The following SHISA7 variants were observed in gnomAD, a reference collection of about 807,000 sequenced individuals.
The protein encoded by SHISA7 is protein shisa-7.
In SHISA7, 6 loss-of-function variants were observed where a neutral mutation model predicts 23.9. The ratio of observed to expected loss-of-function variants is 0.25; its 90% CI spans 0.14 to 0.50. The LOEUF (loss-of-function observed/expected upper bound fraction) is 0.50, where lower values mean the gene tolerates loss of function less well. Among genes scored for constraint, SHISA7 ranks in the 20% least tolerant of loss-of-function variants. The pLI is 0.98. For synonymous variants in SHISA7, 386 were observed against 398.3 expected (o/e 0.97, Z 0.37); for missense variants, 671 against 801.1 (o/e 0.84, Z 1.96).
In SHISA7 at chr19:55,442,701, T is replaced by TCGCCGCGCCCC; in HGVS notation, c.152_162dup (p.Ser55GlyfsTer93). On this transcript the variant is annotated frameshift_variant, in exon 1 of 4. Transcript: ENST00000376325. LOFTEE classifies it high-confidence loss of function. ...GTCCTGGTGCCGTTGGCGCCTGGGCTCGCCGCGCCCCCGCCGCCCGTCAGC... is the reference window on the plus strand; with the variant it reads ...GTCCTGGTGCCGTTGGCGCCTGGGCTCGCCGCGCCCCCGCCGCGCCCCCGCCGCCCGTCAGC... 9.8e-7 allele frequency: 1 copy of TCGCCGCGCCCC among 1,020,746 alleles called. No individual in the cohort carries two copies. Among genetic ancestry groups the TCGCCGCGCCCC allele is most frequent in the Non-Finnish European group, 1.2e-6 (1 of 856,344 alleles). 63.2% of individuals were successfully genotyped at this position (1,020,746 alleles called of 1,614,324 possible). A position where few individuals can be genotyped will look rare whatever the true frequency, so the allele number is the denominator to read the frequency against.
At chr19:55,435,892 G>A (rs1985447726) in intron 3 of SHISA7, among the ~76,000 whole-genome samples, 1 of 152,026 alleles carries the variant, frequency 6.6e-6, no homozygotes, top group Admixed American at 6.6e-5. Context: ...CTACTCGCAT[G>A]TATGTTTGCA....
chr19:55,439,197 C>A (rs886978350), intron 2 of SHISA7, among the ~76,000 whole-genome samples: 38 of 152,352 alleles, frequency 2.5e-4, no homozygotes, highest in African/African-American at 9.1e-4. Context: ...CCCATCCCTT[C>A]CCTCAAGCCG....
In SHISA7 at chr19:55,442,306, G is replaced by T; in HGVS notation, c.558C>A (p.Ala186=). 6.6e-7 allele frequency: 1 copy of T among 1,523,126 alleles called. No homozygotes were observed. The highest frequency in any genetic ancestry group is 1.2e-5 in the South Asian group (1 of 83,378). The allele number at this position is 1,523,126 out of a possible 1,614,324, so 94.4% of individuals were successfully genotyped here. The change falls in exon 1 of 4, where the codon GCC becomes GCA. Residue 186 remains alanine (A), a synonymous_variant. Transcript: ENST00000376325. ...RGGEGPGGST[A]YVVCGVISFA... ...AGCTGATGACCCCGCACACGACGTA[G>T]GCTGTGCTGCCCCCGGGGCCCTCGC... is the stretch of plus-strand genomic sequence containing the variant.
Position 55,432,902 on chromosome 19 carries a change from C to T in SHISA7, c.*254G>A. On this transcript the variant is annotated 3_prime_UTR_variant, in exon 4 of 4. Transcript: ENST00000376325. This position sits in a 1 kb window ranked among gnomAD's most constrained non-coding sequence, Gnocchi z 4.6. ...CTGTGATGACATCACAGAACACAGA[C>T]ATTTTTGCTAGTGATGACCTCATGA... 2.1e-6 allele frequency: 1 copy of T among 486,680 alleles called. No homozygotes were observed. The highest frequency in any genetic ancestry group is 3.6e-6 in the Non-Finnish European group (1 of 277,756). The allele number at this position is 486,680 out of a possible 1,614,324, so 30.1% of individuals were successfully genotyped here. A position where few individuals can be genotyped will look rare whatever the true frequency, so the allele number is the denominator to read the frequency against.
intron 3 of SHISA7, among the ~76,000 whole-genome samples, chr19:55,434,771 G>GGT (rs796534132): frequency 9.3e-6 from 1 of 107,416 alleles, no homozygotes. Context: ...TGTGGTGTGT[G>GGT]GTGTGTGTAT....
At chr19:55,438,885 G>A (rs1174062045) in intron 2 of SHISA7, among the ~76,000 whole-genome samples, 1 of 151,918 alleles carries the variant, frequency 6.6e-6, no homozygotes, top group African/African-American at 2.4e-5. Flanking sequence ...CCCCCCTGGT[G>A]CCCAGGCTAG....
chr19:55,436,632 G>T (rs949798100), intron 3 of SHISA7, among the ~76,000 whole-genome samples: 1 of 151,908 alleles, frequency 6.6e-6, no homozygotes, highest in Non-Finnish European at 1.5e-5. Context: ...TTTCTGGCTG[G>T]GTATGGTGGG....
chr19:55,435,950 A>G (rs1400384664), intron 3 of SHISA7, among the ~76,000 whole-genome samples: 3 of 114,234 alleles, frequency 2.6e-5, no homozygotes, highest in Non-Finnish European at 5.5e-5. Context: ...TTAAAAATAT[A>G]CACATGTGTG....
intron 1 of SHISA7, among the ~76,000 whole-genome samples, 187 bp downstream of exon 1, chr19:55,442,006 G>T (rs945483781): frequency 6.6e-6 from 1 of 152,168 alleles, no homozygotes; most frequent in Non-Finnish European, 1.5e-5. Flanking sequence ...GCATCACTCC[G>T]CAACAGCCGG....
chr19:55,433,885 G>A lies in SHISA7; in HGVS notation c.977-89C>T. The A allele has an allele frequency of 7.7e-7, 1 of 1,299,722 alleles. No individual in the cohort carries two copies. Among genetic ancestry groups the A allele is most frequent in the Non-Finnish European group, 9.8e-7 (1 of 1,017,270 alleles). 80.5% of individuals were successfully genotyped at this position (1,299,722 alleles called of 1,614,324 possible). On this transcript the variant is annotated intron_variant, in intron 3 of 3. Transcript: ENST00000376325. The surrounding 1 kb of genome is among the most constrained non-coding windows in gnomAD (Gnocchi z 8.4). ...CCACCTCGTCACATCCCGCTCCTATGCTCCTTGTGCCCCCACAAGGATCCT... is the reference window on the plus strand; with the variant it reads ...CCACCTCGTCACATCCCGCTCCTATACTCCTTGTGCCCCCACAAGGATCCT...
intron 2 of SHISA7, chr19:55,438,569 G>A (rs1249438864): frequency 7.7e-7 from 1 of 1,304,346 alleles, no homozygotes. Flanking sequence ...ACCCAGTGTG[G>A]CGGCGTGGTG....
At chr19:55,434,326 T>G (rs1364804703) in intron 3 of SHISA7, among the ~76,000 whole-genome samples, 2 of 129,232 alleles carry the variant, frequency 1.5e-5, no homozygotes, top group Non-Finnish European at 3.3e-5. Context: ...GTGTGTGTGG[T>G]GTGTGGTGTG....
At position 55,431,106 on chromosome 19, in the gene SHISA7, TA is replaced by T. The variant is rs1985190178; in HGVS notation, c.*2049del. The stretch of plus-strand genomic sequence containing the variant: ...TGGATCCTGGCAGGTGATAACACCA[TA>T]GTTGAAGTGGATACTGGGAGGTAGT... On this transcript the variant is annotated 3_prime_UTR_variant, in exon 4 of 4. Transcript: ENST00000376325. 1 of 152,180 alleles carries T rather than the reference TA, an allele frequency of 6.6e-6. No individual in the cohort carries two copies. Among genetic ancestry groups the T allele is most frequent in the African/African-American group, 2.4e-5 (1 of 41,406 alleles). 9.4% of individuals were successfully genotyped at this position (152,180 alleles called of 1,614,324 possible).
Position 55,440,146 on chromosome 19 carries a change from AAGTG to A in SHISA7, c.826+461_826+464del, listed in dbSNP as rs1423858485. 3.3e-5 allele frequency among the ~76,000 whole-genome samples: 5 copies of A among 152,268 alleles called. No homozygotes were observed. In the East Asian group the frequency reaches 7.7e-4, roughly 23 times the overall value. On this transcript the variant is annotated intron_variant, in intron 2 of 3. Coordinates refer to ENST00000376325, the MANE Select transcript of SHISA7 (RefSeq NM_001145176.2). The stretch of plus-strand genomic sequence containing the variant: ...ATTTGCTCTTCACCATAACCCCATG[AAGTG>A]AGTATTGTTATGTTTCTTATTTTAT...
chr19:55,438,564 G>T, intron 2 of SHISA7: 1 of 1,304,326 alleles, frequency 7.7e-7, no homozygotes, highest in Non-Finnish European at 1.0e-6. Context: ...TCCGCACCCA[G>T]TGTGGCGGCG....
rs1251282131 is a variant in SHISA7 at position 55,433,749 on chromosome 19, A to G, written c.1024T>C (p.Leu342=). The G allele has an allele frequency of 1.6e-5, 23 of 1,455,812 alleles. No homozygotes were observed. Among genetic ancestry groups the G allele is most frequent in the Non-Finnish European group, 2.0e-5 (22 of 1,114,324 alleles). 90.2% of individuals were successfully genotyped at this position (1,455,812 alleles called of 1,614,324 possible). Residue 342 remains leucine, a synonymous_variant, in exon 4 of 4, where the codon TTG becomes CTG. Coordinates refer to ENST00000376325, the MANE Select transcript of SHISA7 (RefSeq NM_001145176.2). This position sits in a 1 kb window ranked among gnomAD's most constrained non-coding sequence, Gnocchi z 8.4. ...TGCAGGGGCAGCGTGCCGCGGGGCAATTCCAGGGGCCGGCGCTTCAGGTAG... is the reference window on the plus strand; with the variant it reads ...TGCAGGGGCAGCGTGCCGCGGGGCAGTTCCAGGGGCCGGCGCTTCAGGTAG... The part of the protein sequence containing the change: ...EAYLKRRPLE[L]PRGTLPLHAL...
chr19:55,440,331 G>A (rs903584330), intron 2 of SHISA7, among the ~76,000 whole-genome samples: 2 of 152,202 alleles, frequency 1.3e-5, no homozygotes, highest in African/African-American at 4.8e-5. Context: ...GTCTGACACC[G>A]AGCGCAGGGG....
At position 55,442,640 on chromosome 19, in the gene SHISA7, G is replaced by A. The variant is rs959604764; in HGVS notation, c.224C>T (p.Ala75Val). Residue 75 changes from alanine (A) to valine (V), a missense_variant, in exon 1 of 4, where the codon GCG becomes GTG. Transcript: ENST00000376325. Reference sequence around the variant, plus strand: ...GTGGCAGAGCTCGGCGGGAGGGGGCGCCCGGGCCGCCGCGCCCGCCCCGCC... The same window carrying A: ...GTGGCAGAGCTCGGCGGGAGGGGGCACCCGGGCCGCCGCGCCCGCCCCGCC... The part of the protein sequence containing the change: ...PAGGAGAAAR[A>V]PPPAELCHGY... The A allele has an allele frequency of 1.6e-5, 21 of 1,345,782 alleles. No homozygotes were observed. The highest frequency in any genetic ancestry group is 2.5e-4 in the Middle Eastern group (1 of 3,972). The allele number at this position is 1,345,782 out of a possible 1,614,324, so 83.4% of individuals were successfully genotyped here.
Position 55,434,831 on chromosome 19 carries a change from G to GCATGGTGTGTATGT in SHISA7, c.977-1036_977-1035insACATACACACCATG, listed in dbSNP as rs1555753503. 4.1e-3 allele frequency among the ~76,000 whole-genome samples: 320 copies of GCATGGTGTGTATGT among 78,022 alleles called. 6 individuals carry two copies. The highest frequency in any genetic ancestry group is 9.6e-3 in the African/African-American group (168 of 17,484). 51.2% of individuals were successfully genotyped at this position (78,022 alleles called of 152,430 possible). On this transcript the variant is annotated intron_variant, in intron 3 of 3. Coordinates refer to ENST00000376325, the MANE Select transcript of SHISA7 (RefSeq NM_001145176.2). ...GTGTGCATGGTGTGTATGTGTGTGT[G>GCATGGTGTGTATGT]GTGTGTGGTGTGTGTGTGCGTGTGT...
Sources: gnomAD v4.1 joint callset for allele counts (sites outside exome capture counted in the v4.1 genomes callset) on GRCh38, gnomAD v4.1.1 for gene constraint, Gnocchi (gnomAD v3.1) non-coding constraint, MANE v1.5 for transcripts, NCBI Gene and HGNC (gene_info 2026-07-23, HGNC 2026-07-21) for gene names.